Variants in ZNF541 observed in about 807,000 individuals in gnomAD.
ZNF541 encodes the protein zinc finger protein 541.
In ZNF541, 23 loss-of-function variants were observed where a neutral mutation model predicts 123.5. The ratio of observed to expected loss-of-function variants is 0.19; its 90% CI spans 0.13 to 0.26. ZNF541 has a LOEUF of 0.26. ZNF541 is among the 10% of genes least tolerant of loss of function. The pLI is 1.00. For synonymous variants in ZNF541, 751 were observed against 754.5 expected (o/e 1.00, Z 0.08); for missense variants, 1,612 against 1,789.9 (o/e 0.90, Z 1.79).
rs1018759882 is a variant in ZNF541, at chr19:47,539,940, T to C, written c.2623-62A>G. Reference sequence around the variant, plus strand: ...TAAGGTAGGTGGGGAAAGGAAGAGCTGCTTCAGCAAAAAAAGCTGTCATAG... The same window carrying C: ...TAAGGTAGGTGGGGAAAGGAAGAGCCGCTTCAGCAAAAAAAGCTGTCATAG... On this transcript the variant is annotated intron_variant, in intron 7 of 16. Transcript: ENST00000391901. 5 of 1,503,014 alleles carry C rather than the reference T, an allele frequency of 3.3e-6. No individual in the cohort carries two copies. The Admixed American group carries it at 1.1e-4, about 32-fold the overall frequency. The allele number at this position is 1,503,014 out of a possible 1,614,324, so 93.1% of individuals were successfully genotyped here.
chr19:47,541,482 G>A (rs1438941605), intron 5 of ZNF541, among the ~76,000 whole-genome samples: 1 of 152,066 alleles, frequency 6.6e-6, no homozygotes, highest in Non-Finnish European at 1.5e-5. Flanking sequence ...AAAGTGAAAA[G>A]ACAGACCACA....
rs576072708 is a variant in ZNF541 at position 47,557,128 on chromosome 19, C to A, written c.-98-1174G>T. 5.9e-5 allele frequency among the ~76,000 whole-genome samples: 9 copies of A among 152,194 alleles called. No homozygotes were observed. In the South Asian group the frequency reaches 1.7e-3, roughly 28 times the overall value. On this transcript the variant is annotated intron_variant, in intron 2 of 16. Coordinates refer to ENST00000391901, the MANE Select transcript of ZNF541 (RefSeq NM_001277075.3). ...ATTAAAATTAACTTCATCTGCTTATCTTTTTAATGTGGCTCCTAGGAAATT... is the reference window on the plus strand; with the variant it reads ...ATTAAAATTAACTTCATCTGCTTATATTTTTAATGTGGCTCCTAGGAAATT...
At chr19:47,530,941 G>A (rs1381811180) in intron 12 of ZNF541, among the ~76,000 whole-genome samples, 2 of 152,118 alleles carry the variant, frequency 1.3e-5, no homozygotes, top group South Asian at 2.1e-4. Flanking sequence ...GTGAGCCACC[G>A]CGCCTGGCCA....
At chr19:47,572,230 A>AT (rs1386733769) in intron 1 of ZNF541, among the ~76,000 whole-genome samples, 188 bp from the exon 2 acceptor site, 2 of 152,136 alleles carry the variant, frequency 1.3e-5, no homozygotes, top group Non-Finnish European at 2.9e-5. Context: ...TTCTTTCCTT[A>AT]TTTTTCCCCC....
intron 9 of ZNF541, among the ~76,000 whole-genome samples, chr19:47,535,279 A>G (rs917834641): frequency 6.6e-6 from 1 of 152,218 alleles, no homozygotes; most frequent in African/African-American, 2.4e-5. Context: ...TTACAGGGAA[A>G]CAAGAGTGAC....
At chr19:47,522,981 G>A (rs947043895) in intron 14 of ZNF541, among the ~76,000 whole-genome samples, 1 of 147,910 alleles carries the variant, frequency 6.8e-6, no homozygotes, top group African/African-American at 2.5e-5. Context: ...CCTGACCTCA[G>A]GTGATCTGCC....
chr19:47,556,438 ATTTTT>A (rs1410152327), intron 2 of ZNF541, among the ~76,000 whole-genome samples: 1 of 152,078 alleles, frequency 6.6e-6, no homozygotes, highest in African/African-American at 2.4e-5. Context: ...GAAGTACTTG[ATTTTT>A]TCTTTTAATT....
intron 14 of ZNF541, among the ~76,000 whole-genome samples, chr19:47,527,558 G>C (rs1443888726): frequency 6.6e-6 from 1 of 151,628 alleles, no homozygotes; most frequent in Non-Finnish European, 1.5e-5. Flanking sequence ...ACCATGCTAG[G>C]CTAGTTTTTA....
Position 47,555,777 on chromosome 19 carries a change from A to G in ZNF541, c.80T>C (p.Leu27Pro). 6.4e-7 allele frequency: 1 copy of G among 1,551,654 alleles called. No individual in the cohort carries two copies. The highest frequency in any genetic ancestry group is 8.7e-7 in the Non-Finnish European group (1 of 1,146,992). Residue 27 changes from leucine to proline, a missense_variant, in exon 3 of 17, where the codon CTC (leucine) becomes CCC (proline). Coordinates refer to ENST00000391901, the MANE Select transcript of ZNF541 (RefSeq NM_001277075.3). ...HLPSFSESQG[L>P]NCSDTLNRDL... ...CCGGTTGAGGGTGTCGCTGCAGTTG[A>G]GCCCTTGGCTCTCTGAAAATGAAGG...
Position 47,532,146 on chromosome 19 carries a change from A to G in ZNF541, c.3283T>C (p.Ser1095Pro). Residue 1095 changes from serine (S) to proline (P), a missense_variant, in exon 11 of 17, where the codon TCA becomes CCA. Ser to Pro is a moderately conservative substitution (Grantham distance 74). Around this residue, in one of 5 missense-constraint regions of ZNF541, gnomAD observed 285 missense variants for 407.3 expected, o/e 0.70. Transcript: ENST00000391901. ...WKPWGDMMIS[S>P]ETQDRVTELC... ...CAGCCACCTCTATCCTGTGTCTCTG[A>G]GCTGATCATCATATCTCCCCATGGC... is the stretch of plus-strand genomic sequence containing the variant. 1 of 1,551,752 alleles carries G rather than the reference A, an allele frequency of 6.4e-7. No individual in the cohort carries two copies. Among genetic ancestry groups the G allele is most frequent in the Non-Finnish European group, 8.7e-7 (1 of 1,146,994 alleles).
At chr19:47,527,922 C>T (rs1161283587) in intron 14 of ZNF541, among the ~76,000 whole-genome samples, 1 of 149,652 alleles carries the variant, frequency 6.7e-6, no homozygotes, top group Non-Finnish European at 1.5e-5. Context: ...TGGTCTCGAA[C>T]TCCCAACCTC....
At chr19:47,552,353 A>C (rs946265235) in intron 3 of ZNF541, among the ~76,000 whole-genome samples, 3 of 152,140 alleles carry the variant, frequency 2.0e-5, no homozygotes, top group Non-Finnish European at 4.4e-5. Flanking sequence ...CTTGAGGCCT[A>C]GACTCTCCTC....
intron 3 of ZNF541, among the ~76,000 whole-genome samples, chr19:47,554,336 C>T (rs528322747): frequency 1.8e-4 from 27 of 152,134 alleles, no homozygotes; most frequent in African/African-American, 5.8e-4. Context: ...GAGGCTGAGG[C>T]GGGAGAATCA....
In ZNF541 at chr19:47,528,930, C is replaced by G. The variant is rs1354756166; in HGVS notation, c.3570+20G>C. The G allele has an allele frequency of 6.5e-7, 1 of 1,545,018 alleles. No homozygotes were observed. The highest frequency in any genetic ancestry group is 8.8e-7 in the Non-Finnish European group (1 of 1,141,102). ...GCTGTGTGAGGCAGGGCCTTGGACA[C>G]CAGCCCACATTCACTTTACCATCTT... On this transcript the variant is annotated intron_variant, in intron 14 of 16. Transcript: ENST00000391901.
intron 13 of ZNF541, 76 bp downstream of exon 13, chr19:47,529,501 A>C: frequency 6.9e-7 from 1 of 1,442,218 alleles, no homozygotes; most frequent in Non-Finnish European, 9.5e-7. Context: ...AGGCAGGGGC[A>C]GAGCTTGCAA....
rs1374721662 is a variant in ZNF541, at chr19:47,544,653, G to T, written c.1876C>A (p.Arg626Ser). ...ACCCCGGGTGTGGTTTTTCTCCTGC[G>T]GGCTGGGGAGCCCTCTGCCTCGGGG... ...GNPEAEGSPA[R>S]RRKTTPGVPR... The change falls in exon 5 of 17, where the codon CGC becomes AGC. Residue 626 changes from arginine (R) to serine (S), a missense_variant. Transcript: ENST00000391901. 3.2e-6 allele frequency: 5 copies of T among 1,543,722 alleles called. No individual in the cohort carries two copies. The African/African-American group carries it at 6.9e-5, about 21-fold the overall frequency.
Position 47,521,686 on chromosome 19 carries a change from C to T in ZNF541, c.3712-32G>A. 6.5e-7 allele frequency: 1 copy of T among 1,547,778 alleles called. No homozygotes were observed. The highest frequency in any genetic ancestry group is 1.2e-5 in the South Asian group (1 of 83,576). ...AGGGAGCAAAAGTGACATAAGGGTG[C>T]TGACCTGTCCTGCTGTAAGAGAGAC... is the stretch of plus-strand genomic sequence containing the variant. On this transcript the variant is annotated intron_variant, in intron 15 of 16. Coordinates refer to ENST00000391901, the MANE Select transcript of ZNF541 (RefSeq NM_001277075.3). This position sits in a 1 kb window ranked among gnomAD's most constrained non-coding sequence, Gnocchi z 4.2.
rs770631531 is a variant in ZNF541 at position 47,521,441 on chromosome 19, G to A, written c.3887+38C>T. ...GGAAGGGATCACAGGGGCTGAGGCT[G>A]GGAGCCCTGGGAGTGTTTCCAGGAG... On this transcript the variant is annotated intron_variant, in intron 16 of 16. Coordinates refer to ENST00000391901, the MANE Select transcript of ZNF541 (RefSeq NM_001277075.3). This position sits in a 1 kb window ranked among gnomAD's most constrained non-coding sequence, Gnocchi z 4.2. 1.4e-4 allele frequency: 218 copies of A among 1,550,370 alleles called. No homozygotes were observed. Among genetic ancestry groups the A allele is most frequent in the Non-Finnish European group, 1.8e-4 (206 of 1,145,976 alleles).
At chr19:47,553,765 C>T (rs1415198074) in intron 3 of ZNF541, among the ~76,000 whole-genome samples, 3 of 152,098 alleles carry the variant, frequency 2.0e-5, no homozygotes, top group African/African-American at 7.2e-5. Flanking sequence ...GAGTGGAACT[C>T]CTTATCTCAA....
Sources: gnomAD v4.1 joint callset for allele counts (sites outside exome capture counted in the v4.1 genomes callset) on GRCh38, gnomAD v4.1.1 for gene constraint, gnomAD v4.1.1 regional missense constraint, Gnocchi (gnomAD v3.1) non-coding constraint, MANE v1.5 for transcripts, NCBI Gene and HGNC (gene_info 2026-07-23, HGNC 2026-07-21) for gene names.